The following STX6 variants were observed in gnomAD, a reference collection of about 807,000 sequenced individuals.
STX6 encodes the protein syntaxin 6.
STX6 carries 23 observed loss-of-function variants against 38.0 expected under a neutral mutation model. The observed-to-expected ratio is 0.60, with a 90% CI of 0.43 to 0.86. The LOEUF (loss-of-function observed/expected upper bound fraction) is 0.86. STX6 is among the 40% of genes least tolerant of loss of function. The probability of loss-of-function intolerance (pLI) is 0.00; values close to 1 mark genes in which losing one functional copy is unlikely to be tolerated. For missense variants in STX6, 274 were observed against 312.9 expected (o/e 0.88, Z 0.94); for synonymous variants, 123 against 107.5 (o/e 1.14, Z -0.89).
chr1:180,983,283 C>G (rs962383418), intron 7 of STX6, among the ~76,000 whole-genome samples: 1 of 152,042 alleles, frequency 6.6e-6, no homozygotes, highest in African/African-American at 2.4e-5. Context: ...ATAACATGTA[C>G]CTGACAGTAG....
In STX6 at chr1:180,974,957, CCTT is replaced by C. The variant is rs1196737578; in HGVS notation, c.*1610_*1612del. On this transcript the variant is annotated 3_prime_UTR_variant, in exon 8 of 8. Coordinates refer to ENST00000258301, the MANE Select transcript of STX6 (RefSeq NM_005819.6). ...CATGATCTCAAATGAGATAAAATAT[CCTT>C]CTTCAAAAATTGTTAAGAATATTTA... The C allele has an allele frequency of 5.2e-5, 8 of 152,498 alleles. No homozygotes were observed. Among genetic ancestry groups the C allele is most frequent in the African/African-American group, 1.4e-4 (6 of 41,432 alleles). The allele number at this position is 152,498 out of a possible 1,614,324, so 9.4% of individuals were successfully genotyped here.
At chr1:181,010,416 C>T (rs1656357688) in intron 1 of STX6, among the ~76,000 whole-genome samples, 1 of 152,070 alleles carries the variant, frequency 6.6e-6, no homozygotes, top group Admixed American at 6.5e-5. Context: ...ATTCTCCTGC[C>T]TCAGCCTCCC....
At chr1:181,003,544 T>C (rs1229456537) in intron 2 of STX6, among the ~76,000 whole-genome samples, 2 of 152,174 alleles carry the variant, frequency 1.3e-5, no homozygotes, top group African/African-American at 4.8e-5. Flanking sequence ...TGCCACTAAT[T>C]TTAGAGAACA....
chr1:181,008,886 A>C lies in STX6; in HGVS notation c.36-3423T>G, dbSNP rs999080547. Among the ~76,000 whole-genome samples the C allele has an allele frequency of 2.6e-5, 4 of 152,172 alleles. No homozygotes were observed. In the East Asian group the frequency reaches 7.7e-4, roughly 29 times the overall value. On this transcript the variant is annotated intron_variant, in intron 1 of 7. Transcript: ENST00000258301. ...AAATTTGAGATTTGAGAAAGCCTGCAAGTCTGAGAAACCAGTTTGTCATTC... is the reference window on the plus strand; with the variant it reads ...AAATTTGAGATTTGAGAAAGCCTGCCAGTCTGAGAAACCAGTTTGTCATTC...
chr1:181,004,188 G>A (rs967984426), intron 2 of STX6, among the ~76,000 whole-genome samples: 2 of 152,212 alleles, frequency 1.3e-5, no homozygotes, highest in Admixed American at 1.3e-4. Context: ...TAAGTGATGA[G>A]CCCAAGTCAC....
chr1:180,993,836 TC>T, intron 3 of STX6, among the ~76,000 whole-genome samples: 1 of 148,228 alleles, frequency 6.7e-6, no homozygotes, highest in Middle Eastern at 3.4e-3. Context: ...ATAAAGAACA[TC>T]CCTGGGGTAC....
intron 3 of STX6, among the ~76,000 whole-genome samples, chr1:181,001,864 G>A (rs149059963): frequency 6.6e-6 from 1 of 152,324 alleles, no homozygotes; most frequent in Non-Finnish European, 1.5e-5. Context: ...GCAGATTACT[G>A]TCTCATTTTT....
intron 1 of STX6, among the ~76,000 whole-genome samples, chr1:181,020,444 G>A (rs1027236797): frequency 1.3e-5 from 2 of 152,012 alleles, no homozygotes; most frequent in South Asian, 2.1e-4. Flanking sequence ...ATTTTACTGC[G>A]GCTACTAGAA....
intron 1 of STX6, among the ~76,000 whole-genome samples, chr1:181,021,982 C>A (rs534018971): frequency 8.9e-4 from 136 of 152,290 alleles, no homozygotes; most frequent in African/African-American, 3.1e-3. Context: ...TTTTGTTTTC[C>A]TTCCAAATCA....
intron 3 of STX6, among the ~76,000 whole-genome samples, chr1:181,000,793 A>T (rs1332039624): frequency 6.6e-6 from 1 of 151,816 alleles, no homozygotes; most frequent in Non-Finnish European, 1.5e-5. Flanking sequence ...ATAATGATTA[A>T]GGTTAAGGAC....
intron 3 of STX6, among the ~76,000 whole-genome samples, chr1:180,995,513 T>A (rs974712062): frequency 6.6e-6 from 1 of 152,196 alleles, no homozygotes; most frequent in African/African-American, 2.4e-5. Context: ...TTTAATATTA[T>A]TAAAAACTAC....
chr1:181,011,915 C>T (rs1656413339), intron 1 of STX6, among the ~76,000 whole-genome samples: 1 of 152,238 alleles, frequency 6.6e-6, no homozygotes, highest in African/African-American at 2.4e-5. Context: ...ACTGCTCAGG[C>T]AACAGAGATC....
intron 6 of STX6, among the ~76,000 whole-genome samples, chr1:180,984,995 G>C (rs1254795622): frequency 6.6e-6 from 1 of 152,118 alleles, no homozygotes; most frequent in African/African-American, 2.4e-5. Context: ...TGTATTAGTC[G>C]ACACCACTAG....
At chr1:181,021,303 T>A (rs895181717) in intron 1 of STX6, among the ~76,000 whole-genome samples, 2 of 152,186 alleles carry the variant, frequency 1.3e-5, no homozygotes, top group Admixed American at 1.3e-4. Flanking sequence ...ATCCTTCTAA[T>A]AAATATCACA....
chr1:181,005,530 T>C, intron 1 of STX6, 67 bp from the exon 2 acceptor site: 6 of 1,503,304 alleles, frequency 4.0e-6, no homozygotes, highest in Non-Finnish European at 4.5e-6. Context: ...TACTGCATGA[T>C]TTAGGTTAAC....
chr1:181,013,457 T>A (rs1008937237), intron 1 of STX6, among the ~76,000 whole-genome samples: 1 of 152,158 alleles, frequency 6.6e-6, no homozygotes, highest in Non-Finnish European at 1.5e-5. Flanking sequence ...TTGCTAGGAC[T>A]ACAGGTGCAC....
chr1:181,018,918 T>G (rs1017674590), intron 1 of STX6, among the ~76,000 whole-genome samples: 1 of 152,230 alleles, frequency 6.6e-6, no homozygotes, highest in African/African-American at 2.4e-5. Flanking sequence ...CTGGGAAGTA[T>G]TGACAGTAGT....
At chr1:180,997,711 C>G (rs996476937) in intron 3 of STX6, among the ~76,000 whole-genome samples, 10 of 152,046 alleles carry the variant, frequency 6.6e-5, no homozygotes, top group African/African-American at 2.4e-4. Context: ...CAAGAGGTTC[C>G]CATTTTATTA....
chr1:181,003,077 C>T (rs982554182), intron 2 of STX6, among the ~76,000 whole-genome samples: 1 of 152,210 alleles, frequency 6.6e-6, no homozygotes, highest in Admixed American at 6.5e-5. Flanking sequence ...TCCTGCCATT[C>T]CAAACCACTT....
Sources: allele counts gnomAD v4.1 joint callset (sites outside exome capture counted in the v4.1 genomes callset), GRCh38; gene constraint gnomAD v4.1.1; transcripts MANE v1.5; gene names NCBI Gene and HGNC (gene_info 2026-07-23, HGNC 2026-07-21).